The following COL22A1 variants were observed in gnomAD, a reference collection of about 807,000 sequenced individuals.
COL22A1 encodes collagen alpha-1(XXII) chain.
COL22A1 carries 221 observed loss-of-function variants against 248.9 expected under a neutral mutation model. The ratio of observed to expected loss-of-function variants is 0.89; its 90% CI spans 0.80 to 0.99. The LOEUF (loss-of-function observed/expected upper bound fraction) is 0.99. Ranked by LOEUF, COL22A1 falls within the 50% of genes least tolerant of loss-of-function variation. The probability of loss-of-function intolerance (pLI) is 0.00; values close to 1 mark genes in which losing one functional copy is unlikely to be tolerated. For missense variants in COL22A1, 2,240 were observed against 2,179.0 expected (o/e 1.03, Z -0.56); for synonymous variants, 891 against 793.4 (o/e 1.12, Z -2.07).
At chr8:138,643,647 TAGAC>T (rs145689286) in intron 47 of COL22A1, among the ~76,000 whole-genome samples, 154 of 26,618 alleles carry the variant, frequency 5.8e-3, no homozygotes, top group South Asian at 0.014. Flanking sequence ...GATAGATAGA[TAGAC>T]AGATAGATAG....
intron 56 of COL22A1, 82 bp from the exon 57 acceptor site, chr8:138,608,071 G>GA: frequency 7.5e-7 from 1 of 1,331,300 alleles, no homozygotes; most frequent in Non-Finnish European, 1.1e-6. Context: ...CTGATGCACA[G>GA]GACTTGGTTT....
intron 13 of COL22A1, among the ~76,000 whole-genome samples, chr8:138,779,804 C>G (rs867294750): frequency 1.3e-5 from 2 of 152,300 alleles, no homozygotes; most frequent in Middle Eastern, 3.4e-3. Context: ...TTCTGTCTCC[C>G]AGACTGGAGT....
intron 39 of COL22A1, 112 bp from the exon 40 acceptor site, chr8:138,679,788 G>T: frequency 1.0e-6 from 1 of 983,598 alleles, no homozygotes; most frequent in Non-Finnish European, 1.6e-6. Flanking sequence ...TGTATCCACA[G>T]TGTCCAGATT....
intron 6 of COL22A1, 48 bp downstream of exon 6, chr8:138,826,610 G>C (rs762903775): frequency 6.2e-7 from 1 of 1,602,350 alleles, no homozygotes; most frequent in South Asian, 1.1e-5. Context: ...CTGTGAGAGG[G>C]GAACAGAAAG....
chr8:138,689,413 A>G (rs1186109980), intron 36 of COL22A1, among the ~76,000 whole-genome samples: 1 of 152,162 alleles, frequency 6.6e-6, no homozygotes, highest in African/African-American at 2.4e-5. Flanking sequence ...CATGGATGCA[A>G]TAGTAGGGAA....
intron 30 of COL22A1, among the ~76,000 whole-genome samples, chr8:138,705,099 A>G (rs1828308785): frequency 6.6e-6 from 1 of 152,154 alleles, no homozygotes; most frequent in African/African-American, 2.4e-5. Context: ...GTAAAGACAA[A>G]TGAACAAAGC....
At chr8:138,788,482 TTCTTGTAAATACG>T (rs1317689040) in intron 12 of COL22A1, among the ~76,000 whole-genome samples, 10 of 152,164 alleles carry the variant, frequency 6.6e-5, no homozygotes, top group African/African-American at 2.4e-4. Flanking sequence ...AGATAGCAAG[TTCTTGTAAATACG>T]AGGTACTATC....
intron 24 of COL22A1, among the ~76,000 whole-genome samples, chr8:138,725,066 G>C (rs1830195602): frequency 1.3e-5 from 2 of 152,316 alleles, no homozygotes; most frequent in South Asian, 4.1e-4. Context: ...CGGGTCCTCT[G>C]TTTTGCCTCA....
chr8:138,867,102 G>A (rs188528201), intron 3 of COL22A1, among the ~76,000 whole-genome samples: 89 of 152,270 alleles, frequency 5.8e-4, no homozygotes, highest in Admixed American at 1.3e-4. Flanking sequence ...TGGATCATGC[G>A]TCTCTGTCTT....
At position 138,698,475 on chromosome 8, in the gene COL22A1, C is replaced by T. The variant is rs530037498; in HGVS notation, c.2592+1637G>A. ...GTTGCAGCAGTGCCAGGAAAACGCC[C>T]GGAGCTGAGCTGCTGCATGGGGTGC... On this transcript the variant is annotated intron_variant, in intron 32 of 64. Coordinates refer to ENST00000303045, the MANE Select transcript of COL22A1 (RefSeq NM_152888.3). 9.2e-5 allele frequency among the ~76,000 whole-genome samples: 14 copies of T among 152,302 alleles called. No individual in the cohort carries two copies. The South Asian group carries it at 1.0e-3, about 11-fold the overall frequency.
chr8:138,878,086 G>C lies in COL22A1; in HGVS notation c.322C>G (p.Leu108Val), dbSNP rs200743365. ...QEEVKAAARR[L>V]AYHGGNTNTG... ...TTGGTGTTGCCCCCGTGGTAGGCGAGACGCCGGGCAGCCGCCTTGACCTCC... is the reference window on the plus strand; with the variant it reads ...TTGGTGTTGCCCCCGTGGTAGGCGACACGCCGGGCAGCCGCCTTGACCTCC... The change falls in exon 3 of 65, where the codon CTC (leucine) becomes GTC (valine). Residue 108 changes from leucine (L) to valine (V), a missense_variant. Leu to Val is a conservative substitution (Grantham distance 32). Transcript: ENST00000303045. 1.9e-4 allele frequency: 311 copies of C among 1,598,558 alleles called. 1 individual carries two copies. The highest frequency in any genetic ancestry group is 2.6e-4 in the Non-Finnish European group (300 of 1,173,602).
In COL22A1 at chr8:138,821,031, G is replaced by C; in HGVS notation, c.1245+105C>G. ...CTAAGACGGTCCAAGGTGATGATTT[G>C]GTACCTGGTTCATGCAGGTGTGGAG... On this transcript the variant is annotated intron_variant, in intron 7 of 64. Coordinates refer to ENST00000303045, the MANE Select transcript of COL22A1 (RefSeq NM_152888.3). 4.8e-6 allele frequency: 6 copies of C among 1,260,360 alleles called. No individual in the cohort carries two copies. In the South Asian group the frequency reaches 5.8e-5, roughly 12 times the overall value. The allele number at this position is 1,260,360 out of a possible 1,614,324, so 78.1% of individuals were successfully genotyped here.
rs944811313 is a variant in COL22A1, at chr8:138,708,061, T to C, written c.2518-4714A>G. 3.8e-4 allele frequency among the ~76,000 whole-genome samples: 58 copies of C among 152,184 alleles called. 2 individuals carry two copies. The highest frequency in any genetic ancestry group is 1.3e-3 in the African/African-American group (54 of 41,514). ...ATTGCTTCAAAGAGAATAAAATACCTAGGAATCCAACTTACAAGGGACATG... is the reference window on the plus strand; with the variant it reads ...ATTGCTTCAAAGAGAATAAAATACCCAGGAATCCAACTTACAAGGGACATG... On this transcript the variant is annotated intron_variant, in intron 30 of 64. Transcript: ENST00000303045.
chr8:138,637,228 C>T (rs1821260492), intron 47 of COL22A1, among the ~76,000 whole-genome samples: 1 of 152,030 alleles, frequency 6.6e-6, no homozygotes, highest in Non-Finnish European at 1.5e-5. Context: ...AAGTGGTGTT[C>T]CAGGAGTGGC....
Position 138,613,922 on chromosome 8 carries a change from T to G in COL22A1, c.3925-2A>C. 6.2e-7 allele frequency: 1 copy of G among 1,609,758 alleles called. No individual in the cohort carries two copies. ...TGGCCCAGTGGGTCCAGTGTCACCC[T>G]GGAACAAAGACAGAGAGATGGTGTC... is the stretch of plus-strand genomic sequence containing the variant. On this transcript the variant is annotated splice_acceptor_variant, in intron 55 of 64. Transcript: ENST00000303045. LOFTEE classifies it high-confidence loss of function.
At chr8:138,806,456 G>T (rs1417381135) in intron 10 of COL22A1, among the ~76,000 whole-genome samples, 1 of 151,930 alleles carries the variant, frequency 6.6e-6, no homozygotes, top group Non-Finnish European at 1.5e-5. Context: ...AGAGAAAAGA[G>T]AAAGAGAAAA....
Position 138,679,634 on chromosome 8 carries a change from C to G in COL22A1, c.3055G>C (p.Gly1019Arg). Reference sequence around the variant, plus strand: ...TCACTGACCTTAACACATTGCCCTCCCAGTGCACAGTTTTCTGACCCTCTG... The same window carrying G: ...TCACTGACCTTAACACATTGCCCTCGCAGTGCACAGTTTTCTGACCCTCTG... ...KVRGSENCAL[G>R]GQCVKGDRGA... Residue 1019 changes from glycine to arginine, a missense_variant, in exon 40 of 65, where the codon GGA (glycine) becomes CGA (arginine). Coordinates refer to ENST00000303045, the MANE Select transcript of COL22A1 (RefSeq NM_152888.3). 1.2e-6 allele frequency: 2 copies of G among 1,614,088 alleles called. No homozygotes were observed. Among genetic ancestry groups the G allele is most frequent in the Non-Finnish European group, 1.7e-6 (2 of 1,179,960 alleles).
At chr8:138,713,224 A>G (rs1210020146) in intron 30 of COL22A1, among the ~76,000 whole-genome samples, 3 of 151,640 alleles carry the variant, frequency 2.0e-5, no homozygotes, top group Non-Finnish European at 4.4e-5. Context: ...GGGTGTGATG[A>G]GGTTTTGTCG....
At position 138,662,052 on chromosome 8, in the gene COL22A1, G is replaced by C; in HGVS notation, c.3218C>G (p.Pro1073Arg). 2 of 1,612,336 alleles carry C rather than the reference G, an allele frequency of 1.2e-6. No individual in the cohort carries two copies. The highest frequency in any genetic ancestry group is 1.7e-6 in the Non-Finnish European group (2 of 1,179,176). Reference sequence around the variant, plus strand: ...TACGTCCCGGCCGGCTGGGCCCTGGGGGCCAGGGAATCCAGGTAAGCCTCG... The same window carrying C: ...TACGTCCCGGCCGGCTGGGCCCTGGCGGCCAGGGAATCCAGGTAAGCCTCG... ...GSRGLPGFPG[P>R]QGPAGRDGAP... is the part of the protein sequence containing the mutation. The change falls in exon 43 of 65, where the codon CCC becomes CGC. Residue 1073 changes from proline to arginine, a missense_variant. By Grantham distance (103) the Pro-to-Arg change is moderately radical. Transcript: ENST00000303045.
Sources: gnomAD v4.1 joint callset for allele counts (sites outside exome capture counted in the v4.1 genomes callset) on GRCh38, gnomAD v4.1.1 for gene constraint, MANE v1.5 for transcripts, NCBI Gene and HGNC (gene_info 2026-07-23, HGNC 2026-07-21) for gene names.